STON2: variants seen among roughly 807,000 people sequenced by gnomAD.
STON2 encodes stonin 2, also known as stonin-2.
In STON2, 29 loss-of-function variants were observed where a neutral mutation model predicts 65.7. The observed-to-expected ratio is 0.44, with a 90% CI of 0.33 to 0.60. The LOEUF (loss-of-function observed/expected upper bound fraction) is 0.60. STON2 is among the 20% of genes least tolerant of loss of function. The probability of loss-of-function intolerance (pLI) is 0.03; values close to 1 mark genes in which losing one functional copy is unlikely to be tolerated. For missense variants in STON2, 1,054 were observed against 1,118.1 expected (o/e 0.94, Z 0.82); for synonymous variants, 404 against 414.2 (o/e 0.98, Z 0.30).
At chr14:81,431,991 C>A (rs778586818) in intron 1 of STON2, among the ~76,000 whole-genome samples, 1 of 152,080 alleles carries the variant, frequency 6.6e-6, no homozygotes. Context: ...TCTATTCATA[C>A]CCCGATGGAT....
At chr14:81,409,220 C>T (rs933253598) in intron 2 of STON2, among the ~76,000 whole-genome samples, 1 of 152,020 alleles carries the variant, frequency 6.6e-6, no homozygotes, top group Admixed American at 6.5e-5. Context: ...GACTGGCCAA[C>T]ATGGTGAAAC....
chr14:81,292,955 C>T (rs1895616397), intron 5 of STON2, among the ~76,000 whole-genome samples: 1 of 152,212 alleles, frequency 6.6e-6, no homozygotes, highest in Non-Finnish European at 1.5e-5. Flanking sequence ...ATCTGGGTTA[C>T]AACTTCACAA....
chr14:81,344,536 T>C (rs1312723589), intron 4 of STON2, among the ~76,000 whole-genome samples: 2 of 152,246 alleles, frequency 1.3e-5, no homozygotes, highest in Non-Finnish European at 2.9e-5. Context: ...GTATGTATCA[T>C]ATGTTATTTG....
intron 5 of STON2, among the ~76,000 whole-genome samples, chr14:81,291,887 AC>A: frequency 6.6e-6 from 1 of 151,650 alleles, no homozygotes; most frequent in African/African-American, 2.4e-5. Flanking sequence ...ACACACACAC[AC>A]ACACACACAC....
intron 2 of STON2, among the ~76,000 whole-genome samples, chr14:81,406,676 C>T (rs910940673): frequency 3.9e-5 from 6 of 152,114 alleles, no homozygotes; most frequent in East Asian, 1.9e-4. Context: ...GTTAATAAGA[C>T]GTTAACGAGC....
chr14:81,330,620 A>G (rs1431619249), intron 4 of STON2, among the ~76,000 whole-genome samples: 1 of 152,182 alleles, frequency 6.6e-6, no homozygotes, highest in Non-Finnish European at 1.5e-5. Flanking sequence ...CCAAAGCTCC[A>G]AGAGAGCCAG....
Position 81,398,547 on chromosome 14 carries a change from T to C in STON2, c.-165A>G, listed in dbSNP as rs1900447275. 2.1e-6 allele frequency: 1 copy of C among 481,456 alleles called. No individual in the cohort carries two copies. The highest frequency in any genetic ancestry group is 3.7e-6 in the Non-Finnish European group (1 of 271,910). 29.8% of individuals were successfully genotyped at this position (481,456 alleles called of 1,614,324 possible). ...TACTCAGAATGTAGACAGATCAGCC[T>C]CTCTTGCCGTTGGTTAATCTGCCAG... On this transcript the variant is annotated 5_prime_UTR_variant, in exon 2 of 8. Transcript: ENST00000614646.
intron 5 of STON2, among the ~76,000 whole-genome samples, chr14:81,316,882 T>A (rs1389789544): frequency 6.6e-6 from 1 of 152,116 alleles, no homozygotes; most frequent in East Asian, 1.9e-4. Flanking sequence ...TAGCCGGGCA[T>A]TGTGGCAGGC....
At position 81,414,032 on chromosome 14, in the gene STON2, A is replaced by G. The variant is rs977574466; in HGVS notation, c.-199+13070T>C. ...TGAAACAATGGAGATGAAGAGAAAG[A>G]GATGTCATCTGAGATATATTTTAGA... On this transcript the variant is annotated intron_variant, in intron 2 of 8. Transcript: ENST00000553821. Among the ~76,000 whole-genome samples the G allele has an allele frequency of 8.6e-5, 12 of 139,098 alleles. 3 individuals carry two copies. The East Asian group carries it at 3.1e-3, about 36-fold the overall frequency. The allele number at this position is 139,098 out of a possible 152,430, so 91.3% of individuals were successfully genotyped here. A position where few individuals can be genotyped will look rare whatever the true frequency, so the allele number is the denominator to read the frequency against.
intron 5 of STON2, among the ~76,000 whole-genome samples, chr14:81,314,947 G>A (rs1051937443): frequency 3.3e-5 from 5 of 152,052 alleles, no homozygotes; most frequent in Admixed American, 2.0e-4. Context: ...TGGGCTTTAG[G>A]AGTCCTCCCA....
intron 1 of STON2, among the ~76,000 whole-genome samples, chr14:81,399,307 T>C (rs1900485676): frequency 6.6e-6 from 1 of 152,348 alleles, no homozygotes; most frequent in Non-Finnish European, 1.5e-5. Context: ...AACCTGAACC[T>C]AGCTCTTGAT....
At chr14:81,339,642 G>A (rs1294259195) in intron 4 of STON2, among the ~76,000 whole-genome samples, 1 of 152,222 alleles carries the variant, frequency 6.6e-6, no homozygotes, top group Non-Finnish European at 1.5e-5. Context: ...GGGATGTCAT[G>A]TATGAGCCAA....
intron 5 of STON2, among the ~76,000 whole-genome samples, chr14:81,294,153 A>G (rs1895671123): frequency 6.6e-6 from 1 of 152,192 alleles, no homozygotes; most frequent in African/African-American, 2.4e-5. Flanking sequence ...AAATTCCTAG[A>G]ACCTTCCAAT....
At position 81,434,133 on chromosome 14, in the gene STON2, A is replaced by G. The variant is rs571037204; in HGVS notation, c.-310+2188T>C. 3.0e-4 allele frequency among the ~76,000 whole-genome samples: 46 copies of G among 152,368 alleles called. No individual in the cohort carries two copies. The South Asian group carries it at 8.7e-3, about 29-fold the overall frequency. ...CCTGGAACTGTGCCACGGCGCCTCC[A>G]TTCATTAGTACTATCCTTAGAACAA... On this transcript the variant is annotated intron_variant, in intron 1 of 8. Transcript: ENST00000553821.
At chr14:81,295,599 G>A (rs1895733180) in intron 5 of STON2, among the ~76,000 whole-genome samples, 1 of 152,152 alleles carries the variant, frequency 6.6e-6, no homozygotes, top group Admixed American at 6.5e-5. Context: ...TATATGTCCT[G>A]AAGTGGCAGA....
At chr14:81,403,004 A>G (rs1321607338), upstream of STON2, among the ~76,000 whole-genome samples, 1 of 152,250 alleles carries the variant, frequency 6.6e-6, no homozygotes, top group Non-Finnish European at 1.5e-5. Flanking sequence ...GGCACAGGTT[A>G]GCAGCTCAAT....
At chr14:81,287,781 A>G (rs184151694) in intron 5 of STON2, among the ~76,000 whole-genome samples, 23 of 152,166 alleles carry the variant, frequency 1.5e-4, no homozygotes, top group African/African-American at 5.3e-4. Context: ...GCTCTCCCCA[A>G]TACTCTACCT....
chr14:81,360,517 T>C (rs1288719659), intron 4 of STON2, among the ~76,000 whole-genome samples: 1 of 152,156 alleles, frequency 6.6e-6, no homozygotes. Context: ...ATAAAAGGAA[T>C]GTACCTTAAC....
chr14:81,425,519 C>A (rs1248154965), intron 2 of STON2, among the ~76,000 whole-genome samples: 1 of 151,940 alleles, frequency 6.6e-6, no homozygotes, highest in Admixed American at 6.6e-5. Context: ...TTGCAGTGAG[C>A]CAAGATCATG....
Sources: gnomAD v4.1 joint callset for allele counts (sites outside exome capture counted in the v4.1 genomes callset) on GRCh38, gnomAD v4.1.1 for gene constraint, MANE v1.5 for transcripts, NCBI Gene and HGNC (gene_info 2026-07-23, HGNC 2026-07-21) for gene names.